Variants in DPP6 observed in about 807,000 individuals in gnomAD.
The protein encoded by DPP6 is dipeptidyl peptidase like 6, also known as A-type potassium channel modulatory protein DPP6.
DPP6 carries 69 observed loss-of-function variants against 122.6 expected under a neutral mutation model. The observed-to-expected ratio is 0.56, with a 90% CI of 0.46 to 0.69. DPP6 has a LOEUF of 0.69. Ranked by LOEUF, DPP6 falls within the 30% of genes least tolerant of loss-of-function variation. DPP6 has a pLI of 0.00. For synonymous variants in DPP6, 418 were observed against 433.1 expected (o/e 0.97, Z 0.43); for missense variants, 928 against 1,116.9 (o/e 0.83, Z 2.41).
chr7:153,930,269 TA>T (rs1801111120), intron 1 of DPP6, among the ~76,000 whole-genome samples: 1 of 152,192 alleles, frequency 6.6e-6, no homozygotes, highest in African/African-American at 2.4e-5. Context: ...CTCAATCCTT[TA>T]TTTCACCCCT....
the DPP6 span, among the ~76,000 whole-genome samples, chr7:153,817,462 T>C: frequency 1.3e-5 from 2 of 148,378 alleles, no homozygotes; most frequent in African/African-American, 5.0e-5. Context: ...TATAACCTCA[T>C]TGGGAAGGGA....
At position 154,037,242 on chromosome 7, in the gene DPP6, G is replaced by C. The variant is rs540957008; in HGVS notation, c.51+149508G>C. Among the ~76,000 whole-genome samples, 7 of 152,270 alleles carry C rather than the reference G, an allele frequency of 4.6e-5. 1 individual carries two copies. In the South Asian group the frequency reaches 1.2e-3, roughly 27 times the overall value. The stretch of plus-strand genomic sequence containing the variant: ...AGCTTTGACCCTGCGAGGCACATGG[G>C]AGAAAAGAGTTCAGTTGGTTTATAT... On this transcript the variant is annotated intron_variant, in intron 1 of 25. Transcript: ENST00000404039.
rs544907723 is a variant in DPP6, at chr7:154,291,891, CT to C, written c.244-154321del. ...TTCAGAGAAGAAAAGCATATTCCAT[CT>C]TAATACCTCAGAATAAAGGAGCGTA... On this transcript the variant is annotated intron_variant, in intron 1 of 25. Transcript: ENST00000377770. 5.7e-3 allele frequency among the ~76,000 whole-genome samples: 868 copies of C among 152,292 alleles called. 4 individuals carry two copies. Among genetic ancestry groups the C allele is most frequent in the African/African-American group, 0.018 (748 of 41,560 alleles).
chr7:153,851,475 T>A, the DPP6 span, among the ~76,000 whole-genome samples: 41 of 152,322 alleles, frequency 2.7e-4, no homozygotes, highest in Non-Finnish European at 4.3e-4. Context: ...TGAAACATTA[T>A]GTCTAACCTA....
At chr7:154,887,623 G>A (rs1396420876) in intron 22 of DPP6, 53 bp from the exon 23 acceptor site, 35 of 1,600,068 alleles carry the variant, frequency 2.2e-5, no homozygotes, top group Non-Finnish European at 2.5e-5. Flanking sequence ...TGGGGGCTGC[G>A]CTCACAGGGC....
intron 1 of DPP6, among the ~76,000 whole-genome samples, chr7:153,996,377 G>A (rs1298980580): frequency 2.6e-5 from 4 of 152,030 alleles, no homozygotes; most frequent in Non-Finnish European, 5.9e-5. Flanking sequence ...ATGTAGGGAC[G>A]GAGAAGTTCT....
the DPP6 span, among the ~76,000 whole-genome samples, chr7:153,755,673 G>C: frequency 6.6e-6 from 1 of 152,018 alleles, no homozygotes; most frequent in Non-Finnish European, 1.5e-5. Flanking sequence ...AGTCTATCCT[G>C]CTTAGGAATT....
At chr7:154,679,465 G>C (rs1049939675) in intron 7 of DPP6, among the ~76,000 whole-genome samples, 3 of 152,082 alleles carry the variant, frequency 2.0e-5, no homozygotes, top group Non-Finnish European at 2.9e-5. Flanking sequence ...ATTACCACCT[G>C]GGCAACCACC....
At chr7:153,934,795 T>C (rs1301133123) in intron 1 of DPP6, among the ~76,000 whole-genome samples, 2 of 152,122 alleles carry the variant, frequency 1.3e-5, no homozygotes, top group Non-Finnish European at 1.5e-5. Context: ...CCAGATGCTT[T>C]GCTGAGTCAG....
rs1266005765 is a variant in DPP6, at chr7:154,503,670, T to TTAA, written c.457+28634_457+28636dup. Among the ~76,000 whole-genome samples the TTAA allele has an allele frequency of 1.2e-4, 10 of 82,692 alleles. No homozygotes were observed. In the East Asian group the frequency reaches 2.5e-3, roughly 21 times the overall value. 54.2% of individuals were successfully genotyped at this position (82,692 alleles called of 152,430 possible). On this transcript the variant is annotated intron_variant, in intron 3 of 25. Transcript: ENST00000377770. ...CCTGTGACCCTCATAGCCACAACATTTAAGATCAGCATCAAATATTTTGTG... is the reference window on the plus strand; with the variant it reads ...CCTGTGACCCTCATAGCCACAACATTTAATAAGATCAGCATCAAATATTTTGTG...
At chr7:153,873,425 T>C in the DPP6 span, among the ~76,000 whole-genome samples, 1 of 152,202 alleles carries the variant, frequency 6.6e-6, no homozygotes, top group Admixed American at 6.5e-5. Context: ...GTTTGAGGCC[T>C]ACCTAATTTA....
chr7:153,985,985 C>A (rs1585133159), intron 1 of DPP6, among the ~76,000 whole-genome samples: 1 of 152,220 alleles, frequency 6.6e-6, no homozygotes, highest in South Asian at 2.1e-4. Context: ...TAATCACAGA[C>A]ACCCACACAT....
chr7:154,225,454 C>T (rs1333132558), intron 1 of DPP6, among the ~76,000 whole-genome samples: 3 of 152,068 alleles, frequency 2.0e-5, no homozygotes, highest in Admixed American at 6.5e-5. Flanking sequence ...ACTCCAATTA[C>T]GTGTTATCCA....
intron 7 of DPP6, among the ~76,000 whole-genome samples, chr7:154,689,921 A>G (rs1219083820): frequency 6.6e-6 from 1 of 152,108 alleles, no homozygotes; most frequent in Non-Finnish European, 1.5e-5. Flanking sequence ...TATTTGACCT[A>G]TAGAGAAACC....
chr7:154,160,714 T>A (rs1325704524), intron 1 of DPP6, among the ~76,000 whole-genome samples: 1 of 152,300 alleles, frequency 6.6e-6, no homozygotes, highest in East Asian at 1.9e-4. Context: ...GTTTCTAATA[T>A]GTACATTCGG....
At chr7:154,232,116 GA>G in intron 1 of DPP6, among the ~76,000 whole-genome samples, 1 of 152,270 alleles carries the variant, frequency 6.6e-6, no homozygotes, top group East Asian at 1.9e-4. Context: ...AACCTAAGAG[GA>G]TAGGACAAGC....
chr7:154,779,364 C>G (rs1796892552), intron 10 of DPP6, among the ~76,000 whole-genome samples: 1 of 151,582 alleles, frequency 6.6e-6, no homozygotes, highest in Admixed American at 6.6e-5. Context: ...ACCACCACCA[C>G]TGTCAGCTCT....
At chr7:153,934,632 CTG>C (rs1394690075) in intron 1 of DPP6, among the ~76,000 whole-genome samples, 1 of 152,268 alleles carries the variant, frequency 6.6e-6, no homozygotes, top group African/African-American at 2.4e-5. Context: ...ATCACTGCAC[CTG>C]TGTGTGTACA....
At chr7:154,813,877 C>CTTTTTTTTT (rs35188883) in intron 16 of DPP6, among the ~76,000 whole-genome samples, 14 of 94,462 alleles carry the variant, frequency 1.5e-4, no homozygotes, top group East Asian at 3.3e-4. Context: ...AAGCACATTT[C>CTTTTTTTTT]TTTTTTTTTT....
Sources: gnomAD v4.1 joint callset for allele counts (sites outside exome capture counted in the v4.1 genomes callset) on GRCh38, gnomAD v4.1.1 for gene constraint, MANE v1.5 for transcripts, NCBI Gene and HGNC (gene_info 2026-07-23, HGNC 2026-07-21) for gene names.